UNC13C: variants seen among roughly 807,000 people sequenced by gnomAD.
UNC13C encodes the protein unc-13 homolog C.
In UNC13C, 174 loss-of-function variants were observed where a neutral mutation model predicts 245.4. The ratio of observed to expected loss-of-function variants is 0.71; its 90% CI spans 0.63 to 0.80. The LOEUF is 0.80. Among genes scored for constraint, UNC13C ranks in the 30% least tolerant of loss-of-function variants. UNC13C has a pLI of 0.00. For missense variants in UNC13C, 2,829 were observed against 2,602.9 expected (o/e 1.09, Z -1.89); for synonymous variants, 992 against 895.1 (o/e 1.11, Z -1.93).
the UNC13C span, among the ~76,000 whole-genome samples, chr15:53,967,442 C>T: frequency 6.6e-6 from 1 of 151,982 alleles, no homozygotes; most frequent in African/African-American, 2.4e-5. Context: ...TTATTTGGGG[C>T]TTTACCTGTT....
intron 4 of UNC13C, among the ~76,000 whole-genome samples, chr15:54,173,580 T>G (rs1320792763): frequency 1.3e-5 from 2 of 152,100 alleles, no homozygotes; most frequent in African/African-American, 4.8e-5. Context: ...ATTCTGCAAC[T>G]TTGCCAGATC....
chr15:53,962,258 C>G, the UNC13C span, among the ~76,000 whole-genome samples: 5 of 152,036 alleles, frequency 3.3e-5, no homozygotes, highest in African/African-American at 1.2e-4. Flanking sequence ...ATGCTAATAA[C>G]TTTAATGAAA....
intron 1 of UNC13C, among the ~76,000 whole-genome samples, chr15:54,009,584 G>A (rs1485001382): frequency 7.4e-6 from 1 of 135,174 alleles, no homozygotes; most frequent in African/African-American, 2.8e-5. Context: ...ATCTCGCTTT[G>A]TCACCAGGCT....
chr15:54,163,972 G>A (rs1485814539), intron 4 of UNC13C, among the ~76,000 whole-genome samples: 2 of 152,176 alleles, frequency 1.3e-5, no homozygotes, highest in African/African-American at 4.8e-5. Context: ...TAATATGGCT[G>A]TAATAGCATT....
rs1190088287 is a variant in UNC13C at position 54,532,596 on chromosome 15, A to ATTTT, written c.5547-321_5547-320insTTTT. Among the ~76,000 whole-genome samples the ATTTT allele has an allele frequency of 7.4e-3, 1,126 of 152,330 alleles. 15 individuals are homozygous for ATTTT. Among genetic ancestry groups the ATTTT allele is most frequent in the African/African-American group, 0.026 (1,074 of 41,568 alleles). On this transcript the variant is annotated intron_variant, in intron 25 of 32. Coordinates refer to ENST00000260323, the MANE Select transcript of UNC13C (RefSeq NM_001080534.3). ...ACATGAACAGAAAACCAAATACTGC[A>ATTTT]AGAGTCTTTTTAGAGCAGTCATTTT...
At chr15:54,514,146 C>A (rs1206540855) in intron 24 of UNC13C, among the ~76,000 whole-genome samples, 1 of 152,216 alleles carries the variant, frequency 6.6e-6, no homozygotes, top group Non-Finnish European at 1.5e-5. Context: ...ATAAACATGG[C>A]AGTATCTAAA....
chr15:53,860,077 C>T, the UNC13C span, among the ~76,000 whole-genome samples: 52 of 152,314 alleles, frequency 3.4e-4, no homozygotes, highest in African/African-American at 1.2e-3. Flanking sequence ...CACAGACCAT[C>T]TTCTCTTTCT....
At chr15:54,413,254 T>C (rs545737471) in intron 18 of UNC13C, among the ~76,000 whole-genome samples, 1 of 152,132 alleles carries the variant, frequency 6.6e-6, no homozygotes, top group South Asian at 2.1e-4. Flanking sequence ...TAGTTTTAGT[T>C]CTTTAGTTCT....
At chr15:54,063,548 A>C (rs541152262) in intron 2 of UNC13C, among the ~76,000 whole-genome samples, 1 of 152,040 alleles carries the variant, frequency 6.6e-6, no homozygotes, top group African/African-American at 2.4e-5. Flanking sequence ...CTTCTCCCTC[A>C]CTCATTTTTA....
rs368669448 is a variant in UNC13C, at chr15:54,176,616, C to T, written c.3071+32932C>T. Among the ~76,000 whole-genome samples, 4 of 152,054 alleles carry T rather than the reference C, an allele frequency of 2.6e-5. No individual in the cohort carries two copies. In the East Asian group the frequency reaches 7.7e-4, roughly 29 times the overall value. ...AATTATGATTATAATAATTCATATCCACCTTAAAACCAGGGAGCATGAAAC... is the reference window on the plus strand; with the variant it reads ...AATTATGATTATAATAATTCATATCTACCTTAAAACCAGGGAGCATGAAAC... On this transcript the variant is annotated intron_variant, in intron 4 of 32. Coordinates refer to ENST00000260323, the MANE Select transcript of UNC13C (RefSeq NM_001080534.3).
the UNC13C span, among the ~76,000 whole-genome samples, chr15:53,856,570 C>T: frequency 6.6e-6 from 1 of 151,950 alleles, no homozygotes; most frequent in Non-Finnish European, 1.5e-5. Context: ...CATTCAGGAA[C>T]AGGTTTTTCA....
chr15:54,539,926 T>G (rs1166067265), intron 26 of UNC13C, among the ~76,000 whole-genome samples: 1 of 152,098 alleles, frequency 6.6e-6, no homozygotes, highest in African/African-American at 2.4e-5. Context: ...TGTCATATCT[T>G]TTAATTATTG....
At chr15:54,247,969 A>G (rs1253387838) in intron 7 of UNC13C, among the ~76,000 whole-genome samples, 1 of 152,154 alleles carries the variant, frequency 6.6e-6, no homozygotes, top group Non-Finnish European at 1.5e-5. Flanking sequence ...ATGGACTTAG[A>G]GTACTGACTA....
At chr15:54,444,634 G>T (rs2140995633) in intron 19 of UNC13C, among the ~76,000 whole-genome samples, 1 of 151,466 alleles carries the variant, frequency 6.6e-6, no homozygotes, top group African/African-American at 2.4e-5. Context: ...ATTTATTATT[G>T]TGGTTTGGGA....
intron 2 of UNC13C, chr15:54,050,452 A>G (rs780003076): frequency 1.8e-6 from 1 of 553,572 alleles, no homozygotes; most frequent in South Asian, 1.4e-5. Flanking sequence ...TTGCTGAGCT[A>G]AAGTTGATCT....
intron 2 of UNC13C, among the ~76,000 whole-genome samples, chr15:54,076,000 T>C (rs546874275): frequency 1.6e-4 from 25 of 151,582 alleles, no homozygotes; most frequent in African/African-American, 6.0e-4. Context: ...TTGATTGCAG[T>C]GCACTTCAGA....
chr15:54,393,451 C>G (rs1164922159), intron 18 of UNC13C, among the ~76,000 whole-genome samples: 5 of 151,664 alleles, frequency 3.3e-5, no homozygotes, highest in Non-Finnish European at 7.4e-5. Flanking sequence ...TCCTCCACAT[C>G]CTTTCATAGC....
the UNC13C span, among the ~76,000 whole-genome samples, chr15:53,936,551 C>G: frequency 6.6e-6 from 1 of 152,244 alleles, no homozygotes; most frequent in Non-Finnish European, 1.5e-5. Flanking sequence ...AAGTGAGACC[C>G]TGGTCCCATT....
At position 54,507,163 on chromosome 15, in the gene UNC13C, A is replaced by G; in HGVS notation, c.5348A>G (p.Asp1783Gly). 6.3e-7 allele frequency: 1 copy of G among 1,598,254 alleles called. No individual in the cohort carries two copies. Among genetic ancestry groups the G allele is most frequent in the Non-Finnish European group, 8.5e-7 (1 of 1,171,302 alleles). ...CAGTATGCTGCAATTGTATCAAGTG[A>G]TTTCAGTTCACATTGTGATAAGGAA... The part of the protein sequence containing the change: ...LLQYAAIVSS[D>G]FSSHCDKENV... Residue 1783 changes from aspartate (D) to glycine (G), a missense_variant, in exon 23 of 33, where the codon GAT becomes GGT. By Grantham distance (94) the Asp-to-Gly change is moderately conservative. Transcript: ENST00000260323.
Sources: gnomAD v4.1 joint callset for allele counts (sites outside exome capture counted in the v4.1 genomes callset) on GRCh38, gnomAD v4.1.1 for gene constraint, MANE v1.5 for transcripts, NCBI Gene and HGNC (gene_info 2026-07-23, HGNC 2026-07-21) for gene names.